Variants in PTPRQ observed in about 807,000 individuals in gnomAD.
PTPRQ encodes the protein phosphatidylinositol phosphatase PTPRQ.
PTPRQ carries 199 observed loss-of-function variants against 246.0 expected under a neutral mutation model. The ratio of observed to expected loss-of-function variants is 0.81; its 90% CI spans 0.72 to 0.91. PTPRQ has a LOEUF of 0.91. Ranked by LOEUF, PTPRQ falls within the 40% of genes least tolerant of loss-of-function variation. The probability of loss-of-function intolerance (pLI) is 0.00; values close to 1 mark genes in which losing one functional copy is unlikely to be tolerated. For missense variants in PTPRQ, 2,624 were observed against 2,528.4 expected, an observed-to-expected ratio of 1.04 and a Z score of -0.81; for synonymous variants, 869 against 853.2, an observed-to-expected ratio of 1.02 and a Z score of -0.32.
At chr12:80,666,432 G>C (rs963797023) in intron 39 of PTPRQ, among the ~76,000 whole-genome samples, 16 of 151,888 alleles carry the variant, frequency 1.1e-4, no homozygotes, top group African/African-American at 3.6e-4. Flanking sequence ...GAGAGTAAGA[G>C]ATTGGTTAAC....
intron 30 of PTPRQ, among the ~76,000 whole-genome samples, chr12:80,618,254 A>G (rs570711814): frequency 6.6e-6 from 1 of 151,308 alleles, no homozygotes; most frequent in Admixed American, 6.6e-5. Context: ...AATAAAAACA[A>G]TGTTGATAAT....
chr12:80,510,609 G>A (rs1189257813), intron 17 of PTPRQ, among the ~76,000 whole-genome samples, 166 bp downstream of exon 17: 2 of 152,086 alleles, frequency 1.3e-5, no homozygotes, highest in South Asian at 2.1e-4. Flanking sequence ...ATATTATGTA[G>A]TGGTTCAATC....
In PTPRQ at chr12:80,679,645, A is replaced by C. The variant is rs1901254228; in HGVS notation, c.*622A>C. The C allele has an allele frequency of 6.6e-6, 1 of 152,036 alleles. No homozygotes were observed. The highest frequency in any genetic ancestry group is 1.5e-5 in the Non-Finnish European group (1 of 67,966). 9.4% of individuals were successfully genotyped at this position (152,036 alleles called of 1,614,324 possible). On this transcript the variant is annotated 3_prime_UTR_variant, in exon 45 of 45. Coordinates refer to ENST00000644991, the MANE Select transcript of PTPRQ (RefSeq NM_001145026.2). ...TTAGGGCTATTTAATTTGCATTGTGATCTTCAGTTTGAGAACCTTAAAAGA... is the reference window on the plus strand; with the variant it reads ...TTAGGGCTATTTAATTTGCATTGTGCTCTTCAGTTTGAGAACCTTAAAAGA...
At chr12:80,645,521 A>G (rs569789524) in intron 35 of PTPRQ, among the ~76,000 whole-genome samples, 40 of 151,606 alleles carry the variant, frequency 2.6e-4, no homozygotes, top group African/African-American at 9.2e-4. Flanking sequence ...GTTTACTGTG[A>G]ATAATGTTAT....
In PTPRQ at chr12:80,495,251, T is replaced by C. The variant is rs914667419; in HGVS notation, c.1762T>C (p.Tyr588His). 1.9e-6 allele frequency: 3 copies of C among 1,544,018 alleles called. No homozygotes were observed. The highest frequency in any genetic ancestry group is 1.7e-4 in the Middle Eastern group (1 of 5,830). The change falls in exon 12 of 45, where the codon TAT becomes CAT. Residue 588 changes from tyrosine to histidine, a missense_variant. Coordinates refer to ENST00000644991, the MANE Select transcript of PTPRQ (RefSeq NM_001145026.2). ...TATTAGTTCTTCATCTATTTTGTTATATTGGGATCCTCCAGAATATCCCAA... is the reference window on the plus strand; with the variant it reads ...TATTAGTTCTTCATCTATTTTGTTACATTGGGATCCTCCAGAATATCCCAA... ...KNISSSSILL[Y>H]WDPPEYPNGK...
intron 25 of PTPRQ, among the ~76,000 whole-genome samples, chr12:80,574,624 C>T (rs994190457): frequency 2.0e-5 from 3 of 152,094 alleles, no homozygotes; most frequent in Non-Finnish European, 4.4e-5. Context: ...AATATGAATA[C>T]TTGACTTATA....
At chr12:80,569,503 A>C (rs1241291736) in intron 25 of PTPRQ, among the ~76,000 whole-genome samples, 4 of 151,914 alleles carry the variant, frequency 2.6e-5, no homozygotes, top group Non-Finnish European at 4.4e-5. Flanking sequence ...ACTAACCTGC[A>C]CATTGTGCAC....
intron 25 of PTPRQ, among the ~76,000 whole-genome samples, chr12:80,579,668 T>G (rs1371410099): frequency 1.3e-5 from 2 of 152,208 alleles, no homozygotes; most frequent in Non-Finnish European, 2.9e-5. Flanking sequence ...GCAAAATTTG[T>G]AGCTGGTATG....
chr12:80,570,106 G>A (rs1383859260), intron 25 of PTPRQ, among the ~76,000 whole-genome samples: 1 of 151,872 alleles, frequency 6.6e-6, no homozygotes, highest in African/African-American at 2.4e-5. Flanking sequence ...CCAGTAATGG[G>A]ATTGCTGGGT....
intron 34 of PTPRQ, among the ~76,000 whole-genome samples, chr12:80,632,896 A>G (rs1262031221): frequency 6.6e-6 from 1 of 152,182 alleles, no homozygotes; most frequent in East Asian, 1.9e-4. Flanking sequence ...ACTGTTCACG[A>G]ATGGCATGGG....
intron 3 of PTPRQ, among the ~76,000 whole-genome samples, chr12:80,456,109 A>G (rs1565716126): frequency 6.6e-6 from 1 of 152,168 alleles, no homozygotes; most frequent in Non-Finnish European, 1.5e-5. Context: ...AACCTTGAAA[A>G]TAATTAAATA....
intron 23 of PTPRQ, among the ~76,000 whole-genome samples, chr12:80,544,078 AC>A (rs1257727395): frequency 6.6e-6 from 1 of 152,102 alleles, no homozygotes; most frequent in Non-Finnish European, 1.5e-5. Flanking sequence ...GTGATCTGTA[AC>A]ATAGGCTCTC....
intron 9 of PTPRQ, among the ~76,000 whole-genome samples, chr12:80,488,158 A>G (rs1894338226): frequency 6.6e-6 from 1 of 151,784 alleles, no homozygotes; most frequent in Non-Finnish European, 1.5e-5. Flanking sequence ...CAAGCTAGTA[A>G]GAAGGGTCTA....
At chr12:80,613,537 A>T in intron 28 of PTPRQ, 55 bp from the exon 29 acceptor site, 1 of 1,415,250 alleles carries the variant, frequency 7.1e-7, no homozygotes, top group Admixed American at 2.7e-5. Context: ...ATTTATGTGG[A>T]GATAAAAAGG....
intron 25 of PTPRQ, among the ~76,000 whole-genome samples, chr12:80,579,862 T>C (rs1224631436): frequency 1.3e-5 from 2 of 152,170 alleles, no homozygotes; most frequent in African/African-American, 4.8e-5. Context: ...CTTGGGAAGA[T>C]TGGGTTGATA....
chr12:80,641,441 G>T (rs1351417200), intron 35 of PTPRQ, among the ~76,000 whole-genome samples: 2 of 152,164 alleles, frequency 1.3e-5, no homozygotes, highest in Non-Finnish European at 2.9e-5. Flanking sequence ...CAAAGCTCCT[G>T]ATAGTCTGGT....
At chr12:80,532,601 G>A (rs1895876444) in intron 17 of PTPRQ, among the ~76,000 whole-genome samples, 1 of 152,098 alleles carries the variant, frequency 6.6e-6, no homozygotes, top group Non-Finnish European at 1.5e-5. Context: ...ATAAGAGTAT[G>A]GAATTAGGTA....
intron 33 of PTPRQ, among the ~76,000 whole-genome samples, chr12:80,624,123 C>T (rs1373440391): frequency 2.0e-5 from 3 of 152,098 alleles, no homozygotes; most frequent in African/African-American, 7.2e-5. Flanking sequence ...AGGTATGAAT[C>T]TTTGTGTGCT....
intron 33 of PTPRQ, among the ~76,000 whole-genome samples, chr12:80,628,248 C>T (rs1899281149): frequency 6.6e-6 from 1 of 152,188 alleles, no homozygotes; most frequent in African/African-American, 2.4e-5. Context: ...GCTGCTTTCT[C>T]ATTTTTTAAA....
Sources: allele counts gnomAD v4.1 joint callset (sites outside exome capture counted in the v4.1 genomes callset), GRCh38; gene constraint gnomAD v4.1.1; transcripts MANE v1.5; gene names NCBI Gene and HGNC (gene_info 2026-07-23, HGNC 2026-07-21).